The following SLC7A1 variants were observed in gnomAD, a reference collection of about 807,000 sequenced individuals.
The protein encoded by SLC7A1 is solute carrier family 7 member 1.
SLC7A1 carries 10 observed loss-of-function variants against 53.9 expected under a neutral mutation model. The ratio of observed to expected loss-of-function variants is 0.19; its 90% CI spans 0.11 to 0.31. The LOEUF is 0.31. SLC7A1 is among the 10% of genes least tolerant of loss of function. The probability of loss-of-function intolerance (pLI) is 1.00; values close to 1 mark genes in which losing one functional copy is unlikely to be tolerated. For synonymous variants in SLC7A1, 342 were observed against 338.7 expected (o/e 1.01, Z -0.11); for missense variants, 525 against 827.2 (o/e 0.63, Z 4.48).
At chr13:29,585,576 A>C (rs1209856426) in intron 1 of SLC7A1, among the ~76,000 whole-genome samples, 1 of 152,182 alleles carries the variant, frequency 6.6e-6, no homozygotes, top group Non-Finnish European at 1.5e-5. Flanking sequence ...AAAAGCCGCC[A>C]TCCTCGGGAA....
intron 5 of SLC7A1, among the ~76,000 whole-genome samples, chr13:29,526,290 C>A (rs1215552193): frequency 6.7e-6 from 1 of 149,348 alleles, no homozygotes; most frequent in Non-Finnish European, 1.5e-5. Flanking sequence ...CATAGTGAGA[C>A]CCCATTAGTA....
At position 29,536,105 on chromosome 13, in the gene SLC7A1, C is replaced by T. The variant is rs749885135; in HGVS notation, c.84G>A (p.Leu28=). The part of the protein sequence containing the change: ...VVDCSREETR[L]SRCLNTFDLV... ...GATCAAAAGTGTTCAGGCAGCGAGA[C>T]AGCCGCGTCTCCTCCCGGCTACAGT... is the stretch of plus-strand genomic sequence containing the variant. Residue 28 remains leucine, a synonymous_variant, in exon 3 of 13, where the codon CTG becomes CTA. Transcript: ENST00000380752. 4.3e-6 allele frequency: 7 copies of T among 1,613,884 alleles called. No homozygotes were observed. The Admixed American group carries it at 5.0e-5, about 12-fold the overall frequency.
chr13:29,564,089 G>T (rs1431583005), intron 1 of SLC7A1, among the ~76,000 whole-genome samples: 1 of 152,204 alleles, frequency 6.6e-6, no homozygotes, highest in East Asian at 1.9e-4. Context: ...AAATAGTGGG[G>T]AGAAAGAGGA....
At chr13:29,563,249 A>G (rs920206622) in intron 1 of SLC7A1, among the ~76,000 whole-genome samples, 27 of 152,352 alleles carry the variant, frequency 1.8e-4, no homozygotes, top group Admixed American at 4.6e-4. Context: ...GCTAAATCCT[A>G]CCATGCACAG....
intron 2 of SLC7A1, among the ~76,000 whole-genome samples, chr13:29,551,715 G>C (rs1412665642): frequency 6.6e-6 from 1 of 152,156 alleles, no homozygotes; most frequent in African/African-American, 2.4e-5. Context: ...TCTAATTTAA[G>C]TCATGCTACT....
Position 29,595,455 on chromosome 13 carries a change from G to T in SLC7A1, c.-154C>A. ...CGGGGCTCCGGCAGGATCGCGAACA[G>T]ACAGACTGTCGGACGCGCTCAAGGA... On this transcript the variant is annotated 5_prime_UTR_variant, in exon 1 of 13. The change creates a new upstream start codon in the 5' untranslated region. Transcript: ENST00000380752. 1 of 151,822 alleles carries T rather than the reference G, an allele frequency of 6.6e-6. No individual in the cohort carries two copies. The highest frequency in any genetic ancestry group is 2.0e-4 in the South Asian group (1 of 5,092). The allele number at this position is 151,822 out of a possible 1,614,324, so 9.4% of individuals were successfully genotyped here.
chr13:29,576,953 C>G (rs562519211), intron 1 of SLC7A1, among the ~76,000 whole-genome samples: 8 of 152,296 alleles, frequency 5.3e-5, no homozygotes, highest in African/African-American at 1.4e-4. Flanking sequence ...TCAGGTAGCT[C>G]TGGGTCAGAG....
chr13:29,521,704 G>C (rs1329119836), intron 8 of SLC7A1, among the ~76,000 whole-genome samples: 1 of 151,888 alleles, frequency 6.6e-6, no homozygotes, highest in Non-Finnish European at 1.5e-5. Context: ...TGGGGCCCTG[G>C]AACACCTACA....
chr13:29,548,754 T>C (rs1427208197), intron 2 of SLC7A1, among the ~76,000 whole-genome samples: 4 of 152,238 alleles, frequency 2.6e-5, no homozygotes, highest in Non-Finnish European at 5.9e-5. Flanking sequence ...GCAAATGCTG[T>C]GACCTTTCAT....
intron 5 of SLC7A1, among the ~76,000 whole-genome samples, chr13:29,528,263 T>C (rs1013604805): frequency 3.3e-5 from 5 of 152,240 alleles, no homozygotes; most frequent in Non-Finnish European, 7.3e-5. Context: ...CAACAAAACC[T>C]TCTCAACAGG....
rs555905864 is a variant in SLC7A1, at chr13:29,539,359, T to C, written c.-14-3157A>G. 7.9e-5 allele frequency among the ~76,000 whole-genome samples: 12 copies of C among 152,196 alleles called. No individual in the cohort carries two copies. The South Asian group carries it at 1.0e-3, about 13-fold the overall frequency. ...CGCATAAGAGGACAAATGACGTCCA[T>C]GGAGGTGCGCAGATGCAAAGCCTAT... On this transcript the variant is annotated intron_variant, in intron 2 of 12. Coordinates refer to ENST00000380752, the MANE Select transcript of SLC7A1 (RefSeq NM_003045.5).
intron 8 of SLC7A1, among the ~76,000 whole-genome samples, chr13:29,521,892 T>C (rs974453794): frequency 3.9e-5 from 6 of 152,174 alleles, no homozygotes; most frequent in African/African-American, 1.4e-4. Flanking sequence ...CATAAAACAC[T>C]GATCATAAGG....
intron 3 of SLC7A1, among the ~76,000 whole-genome samples, chr13:29,534,624 GC>G (rs35186629): frequency 0.01 from 1,598 of 152,248 alleles, 27 homozygotes; most frequent in African/African-American, 0.037. Flanking sequence ...GGGGAGTGAT[GC>G]CCCCCATGCA....
At chr13:29,516,113 A>C (rs778748541) in intron 12 of SLC7A1, 25 bp downstream of exon 12, 4 of 1,463,526 alleles carry the variant, frequency 2.7e-6, no homozygotes, top group Non-Finnish European at 3.8e-6. Flanking sequence ...AGGATCTTGG[A>C]CGTGCTGGCA....
At chr13:29,581,469 G>T (rs1369563159) in intron 1 of SLC7A1, among the ~76,000 whole-genome samples, 1 of 152,212 alleles carries the variant, frequency 6.6e-6, no homozygotes, top group South Asian at 2.1e-4. Flanking sequence ...CACCTTTGGG[G>T]TGACAGAGAT....
rs1278120608 is a variant in SLC7A1, at chr13:29,510,074, C to G, written c.*4406G>C. On this transcript the variant is annotated 3_prime_UTR_variant, in exon 13 of 13. Coordinates refer to ENST00000380752, the MANE Select transcript of SLC7A1 (RefSeq NM_003045.5). ...TCCTGCTTCCTGACCCTGCTGGACACACTAATAAATACCCTGAGAAAATCT... is the reference window on the plus strand; with the variant it reads ...TCCTGCTTCCTGACCCTGCTGGACAGACTAATAAATACCCTGAGAAAATCT... 1 of 152,640 alleles carries G rather than the reference C, an allele frequency of 6.6e-6. No homozygotes were observed. The highest frequency in any genetic ancestry group is 1.5e-5 in the Non-Finnish European group (1 of 68,050). 9.5% of individuals were successfully genotyped at this position (152,640 alleles called of 1,614,324 possible).
chr13:29,519,564 A>G lies in SLC7A1; in HGVS notation c.1190-15T>C, dbSNP rs901918658. The G allele has an allele frequency of 7.1e-6, 11 of 1,542,934 alleles. No homozygotes were observed. Among genetic ancestry groups the G allele is most frequent in the Non-Finnish European group, 9.0e-6 (10 of 1,117,024 alleles). On this transcript the variant is annotated splice_polypyrimidine_tract_variant and intron_variant, in intron 8 of 12. Transcript: ENST00000380752. ...GGCCATCACAGCTGGGAAGAGACAG[A>G]CACCAGGATCTGTGGAGGGCCATCT...
chr13:29,566,818 A>G (rs370406998), intron 1 of SLC7A1, among the ~76,000 whole-genome samples: 10 of 152,290 alleles, frequency 6.6e-5, no homozygotes, highest in African/African-American at 2.4e-4. Flanking sequence ...ATCCAAAGGG[A>G]CCCCAGTATA....
intron 2 of SLC7A1, among the ~76,000 whole-genome samples, chr13:29,548,383 G>A (rs1292937023): frequency 6.6e-6 from 1 of 152,236 alleles, no homozygotes; most frequent in African/African-American, 2.4e-5. Context: ...TCACTGGGGA[G>A]ATGGAACCCA....
Sources: allele counts gnomAD v4.1 joint callset (sites outside exome capture counted in the v4.1 genomes callset), GRCh38; gene constraint gnomAD v4.1.1; transcripts MANE v1.5; gene names NCBI Gene and HGNC (gene_info 2026-07-23, HGNC 2026-07-21).